The following CCDC138 variants were observed in gnomAD, a reference collection of about 807,000 sequenced individuals.
CCDC138 encodes the protein coiled-coil domain-containing protein 138.
A neutral mutation model predicts 82.3 loss-of-function variants in CCDC138; 66 were observed. The observed-to-expected ratio is 0.80, with a 90% confidence interval of 0.66 to 0.98. The LOEUF (loss-of-function observed/expected upper bound fraction) is 0.98. Among genes scored for constraint, CCDC138 ranks in the 50% least tolerant of loss-of-function variants. The pLI, the probability that CCDC138 is intolerant of heterozygous loss-of-function variation, is 0.00. For synonymous variants in CCDC138, 297 were observed against 265.4 expected (o/e 1.12, Z -1.16); for missense variants, 816 against 758.9 (o/e 1.08, Z -0.88).
chr2:108,855,487 T>TAA (rs377641921), intron 12 of CCDC138, among the ~76,000 whole-genome samples: 20 of 137,540 alleles, frequency 1.5e-4, no homozygotes, highest in African/African-American at 4.5e-4. Flanking sequence ...GTGGTGTTGC[T>TAA]AAAAAAAAAA....
chr2:108,871,249 C>T (rs1695189442), intron 13 of CCDC138, among the ~76,000 whole-genome samples: 1 of 151,372 alleles, frequency 6.6e-6, no homozygotes, highest in African/African-American at 2.4e-5. Context: ...TTATAAGTTC[C>T]TAGCCAGGTG....
rs1031553573 is a variant in CCDC138 at position 108,790,758 on chromosome 2, G to T, written c.267-917G>T. Among the ~76,000 whole-genome samples, 4 of 152,146 alleles carry T rather than the reference G, an allele frequency of 2.6e-5. No individual in the cohort carries two copies. The South Asian group carries it at 8.3e-4, about 32-fold the overall frequency. On this transcript the variant is annotated intron_variant, in intron 3 of 14. Transcript: ENST00000295124. ...TGTAAAATATCTTAATTTTGTGTGG[G>T]TGTATGTGGGTTTGCAGGGGGCGAG...
intron 13 of CCDC138, among the ~76,000 whole-genome samples, chr2:108,860,526 T>TA (rs200322829): frequency 2.0e-5 from 3 of 151,806 alleles, no homozygotes; most frequent in African/African-American, 4.8e-5. Flanking sequence ...TTTTTTTTTT[T>TA]ATCCTAAAGA....
intron 11 of CCDC138, among the ~76,000 whole-genome samples, chr2:108,843,943 T>TTAAC (rs1052151396): frequency 1.3e-4 from 19 of 141,550 alleles, no homozygotes; most frequent in African/African-American, 4.6e-4. Context: ...CAGGCTGGAG[T>TTAAC]TCAGTGGCAC....
In CCDC138 at chr2:108,788,015, TTTC is replaced by T. The variant is rs1384078173; in HGVS notation, c.94-14_94-12del. 4 of 1,495,328 alleles carry T rather than the reference TTTC, an allele frequency of 2.7e-6. No homozygotes were observed. Among genetic ancestry groups the T allele is most frequent in the Non-Finnish European group, 3.6e-6 (4 of 1,107,804 alleles). The allele number at this position is 1,495,328 out of a possible 1,614,324, so 92.6% of individuals were successfully genotyped here. ...GATTTTTAGTATACAAATTAAATCTTTTCTTTTTTTTTTTAGTATGATTTTTCA... is the reference window on the plus strand; with the variant it reads ...GATTTTTAGTATACAAATTAAATCTTTTTTTTTTTTTAGTATGATTTTTCA... On this transcript the variant is annotated splice_polypyrimidine_tract_variant and intron_variant, in intron 1 of 14. Transcript: ENST00000295124.
intron 12 of CCDC138, among the ~76,000 whole-genome samples, chr2:108,849,932 G>A (rs1047844867): frequency 1.3e-5 from 2 of 152,196 alleles, no homozygotes; most frequent in African/African-American, 4.8e-5. Context: ...GCAGGCAGGT[G>A]GGGTGTGCCT....
intron 9 of CCDC138, among the ~76,000 whole-genome samples, chr2:108,814,962 A>G (rs1684508874): frequency 6.6e-6 from 1 of 152,150 alleles, no homozygotes; most frequent in South Asian, 2.1e-4. Flanking sequence ...AATAAATTTA[A>G]CATAGTTCCC....
chr2:108,863,706 C>A (rs1320009564), intron 13 of CCDC138, among the ~76,000 whole-genome samples: 2 of 152,038 alleles, frequency 1.3e-5, no homozygotes, highest in African/African-American at 4.8e-5. Flanking sequence ...TTTATTAAGG[C>A]AATTGAGTTT....
At chr2:108,821,067 A>G (rs1470779907) in intron 10 of CCDC138, among the ~76,000 whole-genome samples, 1 of 152,178 alleles carries the variant, frequency 6.6e-6, no homozygotes, top group Non-Finnish European at 1.5e-5. Context: ...ATATAAAGAT[A>G]TAATTTGTGG....
chr2:108,837,724 T>A (rs1200577623), intron 10 of CCDC138, among the ~76,000 whole-genome samples: 1 of 152,234 alleles, frequency 6.6e-6, no homozygotes, highest in Non-Finnish European at 1.5e-5. Context: ...TACTGGTTTA[T>A]GTATTTACTA....
At chr2:108,816,818 C>T (rs903663841) in intron 10 of CCDC138, among the ~76,000 whole-genome samples, 1 of 152,180 alleles carries the variant, frequency 6.6e-6, no homozygotes, top group South Asian at 2.1e-4. Flanking sequence ...TGCCTCATCC[C>T]TTTGAGTAGG....
chr2:108,858,726 G>A (rs999349906), intron 13 of CCDC138, among the ~76,000 whole-genome samples: 3 of 151,502 alleles, frequency 2.0e-5, no homozygotes, highest in African/African-American at 7.3e-5. Flanking sequence ...TTAGATTTAG[G>A]GGGTACATGT....
At chr2:108,860,935 C>CTTT (rs70956282) in intron 13 of CCDC138, among the ~76,000 whole-genome samples, 755 of 37,878 alleles carry the variant, frequency 0.02, 135 homozygotes, top group African/African-American at 0.075. Flanking sequence ...TGGTCCAGGA[C>CTTT]TTTTTTTTTT....
intron 1 of CCDC138, among the ~76,000 whole-genome samples, chr2:108,881,889 A>G (rs1364887397): frequency 1.3e-5 from 2 of 152,108 alleles, no homozygotes; most frequent in African/African-American, 4.8e-5. Context: ...CACTCTTGTA[A>G]CCCCAGCACT....
intron 7 of CCDC138, among the ~76,000 whole-genome samples, chr2:108,810,048 C>T (rs912450079): frequency 5.9e-5 from 9 of 152,108 alleles, no homozygotes; most frequent in East Asian, 1.9e-4. Context: ...TCAGGTGATC[C>T]GCCTGCCTCG....
intron 12 of CCDC138, among the ~76,000 whole-genome samples, chr2:108,853,975 TA>T (rs1201407215): frequency 5.1e-5 from 5 of 98,350 alleles, no homozygotes; most frequent in African/African-American, 3.8e-5. Context: ...AAAATATATA[TA>T]ATATATAATA....
intron 11 of CCDC138, among the ~76,000 whole-genome samples, chr2:108,845,058 TC>T (rs1479616572): frequency 6.6e-6 from 1 of 152,122 alleles, no homozygotes; most frequent in Admixed American, 6.5e-5. Context: ...CATTTTTTTT[TC>T]AAGTTTATTT....
At chr2:108,873,181 C>T (rs1695537760) in intron 13 of CCDC138, among the ~76,000 whole-genome samples, 2 of 152,032 alleles carry the variant, frequency 1.3e-5, no homozygotes, top group African/African-American at 4.8e-5. Flanking sequence ...AGCTTTCCTC[C>T]TTTCTTTCAA....
rs59725353 is a variant in CCDC138, at chr2:108,871,370, TAAAAAAAAAAAAAA to T, written c.1694-2069_1694-2056del. On this transcript the variant is annotated intron_variant, in intron 13 of 14. Transcript: ENST00000295124. ...CAACATGATGAAACCCCAACTCTAT[TAAAAAAAAAAAAAA>T]AAAAAAAAAAATAGAAAAATTAACT... is the stretch of plus-strand genomic sequence containing the variant. Among the ~76,000 whole-genome samples the T allele has an allele frequency of 1.2e-4, 9 of 76,648 alleles. No individual in the cohort carries two copies. The East Asian group carries it at 3.6e-3, about 30-fold the overall frequency. The allele number at this position is 76,648 out of a possible 152,430, so 50.3% of individuals were successfully genotyped here.
Sources: gnomAD v4.1 joint callset for allele counts (sites outside exome capture counted in the v4.1 genomes callset) on GRCh38, gnomAD v4.1.1 for gene constraint, MANE v1.5 for transcripts, NCBI Gene and HGNC (gene_info 2026-07-23, HGNC 2026-07-21) for gene names.